The following MIPOL1 variants were observed in gnomAD, a reference collection of about 807,000 sequenced individuals.
The protein encoded by MIPOL1 is mirror-image polydactyly 1, also known as mirror-image polydactyly gene 1 protein.
In MIPOL1, 57 loss-of-function variants were observed where a neutral mutation model predicts 60.9. The ratio of observed to expected loss-of-function variants is 0.94; its 90% CI spans 0.76 to 1.17. The LOEUF is 1.17. Ranked by LOEUF, MIPOL1 falls within the 50% of genes most tolerant of loss-of-function variation. The pLI is 0.00. For synonymous variants in MIPOL1, 179 were observed against 168.8 expected, an observed-to-expected ratio of 1.06 and a Z score of -0.47; for missense variants, 551 against 511.6, an observed-to-expected ratio of 1.08 and a Z score of -0.74.
chr14:37,284,411 T>C (rs2084377155), intron 6 of MIPOL1, among the ~76,000 whole-genome samples: 1 of 152,152 alleles, frequency 6.6e-6, no homozygotes, highest in Non-Finnish European at 1.5e-5. Context: ...TGGTACAATC[T>C]TTGTTCATTG....
chr14:37,398,072 G>A (rs1342099887), intron 10 of MIPOL1, among the ~76,000 whole-genome samples: 11 of 152,002 alleles, frequency 7.2e-5, no homozygotes, highest in Non-Finnish European at 1.2e-4. Context: ...GCCTTTGGCC[G>A]CCCTCTCGTT....
intron 1 of MIPOL1, among the ~76,000 whole-genome samples, chr14:37,209,698 T>A (rs1966629774): frequency 6.6e-6 from 1 of 151,932 alleles, no homozygotes; most frequent in Non-Finnish European, 1.5e-5. Context: ...TATATACACA[T>A]GGTTTTCGTT....
intron 9 of MIPOL1, among the ~76,000 whole-genome samples, chr14:37,314,636 A>G (rs1381379648): frequency 1.3e-5 from 2 of 152,160 alleles, no homozygotes; most frequent in African/African-American, 4.8e-5. Context: ...AGCAATATTG[A>G]TAACTATGTC....
chr14:37,293,143 TTTTC>T (rs2085262828), intron 7 of MIPOL1, among the ~76,000 whole-genome samples: 1 of 86,942 alleles, frequency 1.2e-5, no homozygotes, highest in Non-Finnish European at 2.7e-5. Flanking sequence ...CATGAAAAGT[TTTTC>T]TTACTTTTCT....
chr14:37,521,893 A>AAAAAAT (rs371492296), intron 12 of MIPOL1, among the ~76,000 whole-genome samples: 7 of 123,568 alleles, frequency 5.7e-5, no homozygotes, highest in African/African-American at 2.1e-4. Flanking sequence ...AAGAAAAAAA[A>AAAAAAT]ATATATATAT....
intron 9 of MIPOL1, among the ~76,000 whole-genome samples, chr14:37,314,819 G>A (rs2087704756): frequency 6.6e-6 from 1 of 152,064 alleles, no homozygotes; most frequent in Non-Finnish European, 1.5e-5. Flanking sequence ...TATTATGTTT[G>A]TGGAATTATT....
Position 37,267,249 on chromosome 14 carries a change from A to C in MIPOL1, c.251+80A>C, listed in dbSNP as rs529552960. 144 of 1,049,596 alleles carry C rather than the reference A, an allele frequency of 1.4e-4. 1 individual carries two copies. The South Asian group carries it at 1.8e-3, about 13-fold the overall frequency. The allele number at this position is 1,049,596 out of a possible 1,614,324, so 65.0% of individuals were successfully genotyped here. A position where few individuals can be genotyped will look rare whatever the true frequency, so the allele number is the denominator to read the frequency against. ...ATGCCTGTAATCTCAGCACTTTGGG[A>C]GGACGAGGTGGGTGGATCACTTGAG... On this transcript the variant is annotated intron_variant, in intron 4 of 12. Coordinates refer to ENST00000684589, the MANE Select transcript of MIPOL1 (RefSeq NM_001388067.1).
At chr14:37,348,247 C>A (rs2091086223) in intron 9 of MIPOL1, among the ~76,000 whole-genome samples, 1 of 152,062 alleles carries the variant, frequency 6.6e-6, no homozygotes, top group African/African-American at 2.4e-5. Context: ...GACATGATTT[C>A]CTCTAAATTA....
intron 12 of MIPOL1, among the ~76,000 whole-genome samples, chr14:37,531,991 G>A (rs1844920788): frequency 6.6e-6 from 1 of 152,086 alleles, no homozygotes; most frequent in South Asian, 2.1e-4. Context: ...GAGAGGAAGA[G>A]GCATTAAGGG....
intron 1 of MIPOL1, among the ~76,000 whole-genome samples, chr14:37,239,804 G>A (rs1972067332): frequency 6.6e-6 from 1 of 152,122 alleles, no homozygotes; most frequent in Non-Finnish European, 1.5e-5. Context: ...AATGGAGGAG[G>A]CTGTGACATT....
At chr14:37,463,874 T>G (rs542615405) in intron 11 of MIPOL1, among the ~76,000 whole-genome samples, 1 of 151,968 alleles carries the variant, frequency 6.6e-6, no homozygotes, top group Non-Finnish European at 1.5e-5. Context: ...AACAAAGGAC[T>G]AACACCAAGA....
chr14:37,266,324 C>T (rs759481410), intron 3 of MIPOL1, among the ~76,000 whole-genome samples: 2 of 152,160 alleles, frequency 1.3e-5, no homozygotes, highest in Non-Finnish European at 2.9e-5. Flanking sequence ...CTTGTTCATT[C>T]TTGACAGCTC....
At chr14:37,285,588 T>C (rs1406316479) in intron 7 of MIPOL1, 141 bp downstream of exon 7, 2 of 872,254 alleles carry the variant, frequency 2.3e-6, no homozygotes, top group Non-Finnish European at 3.3e-6. Context: ...TTTTTCTTTT[T>C]TTCTTTTCTT....
rs368304881 is a variant in MIPOL1, at chr14:37,515,292, GAA to G, written c.1262+15166_1262+15167del. 7.0e-5 allele frequency among the ~76,000 whole-genome samples: 9 copies of G among 127,668 alleles called. 1 individual carries two copies. Among genetic ancestry groups the G allele is most frequent in the East Asian group, 4.5e-4 (2 of 4,438 alleles). 83.8% of individuals were successfully genotyped at this position (127,668 alleles called of 152,430 possible). Reference sequence around the variant, plus strand: ...TTTCACTTCTTAACCTAAATATAATGAAAAAAAAAAAAAGCTATACTATTGTA... The same window carrying G: ...TTTCACTTCTTAACCTAAATATAATGAAAAAAAAAAAGCTATACTATTGTA... On this transcript the variant is annotated intron_variant, in intron 12 of 12. Coordinates refer to ENST00000684589, the MANE Select transcript of MIPOL1 (RefSeq NM_001388067.1).
At chr14:37,242,804 A>T (rs1466138271) in intron 1 of MIPOL1, among the ~76,000 whole-genome samples, 1 of 152,232 alleles carries the variant, frequency 6.6e-6, no homozygotes, top group African/African-American at 2.4e-5. Context: ...ATCTAAACAG[A>T]TCAGTTTCAT....
chr14:37,454,931 A>AT (rs1452937533), intron 11 of MIPOL1, among the ~76,000 whole-genome samples: 17 of 152,144 alleles, frequency 1.1e-4, no homozygotes, highest in African/African-American at 4.1e-4. Flanking sequence ...TCTTATAGGA[A>AT]TTTTTTTCAC....
intron 7 of MIPOL1, among the ~76,000 whole-genome samples, chr14:37,307,605 T>G (rs1377755643): frequency 2.6e-5 from 4 of 152,014 alleles, no homozygotes; most frequent in Non-Finnish European, 2.9e-5. Flanking sequence ...TCAAATTTAG[T>G]GTAATTATTT....
intron 1 of MIPOL1, among the ~76,000 whole-genome samples, chr14:37,237,154 C>T (rs915712507): frequency 2.0e-5 from 3 of 152,126 alleles, no homozygotes; most frequent in African/African-American, 7.2e-5. Context: ...TGTCACTTTG[C>T]AGCCTGTACA....
intron 9 of MIPOL1, among the ~76,000 whole-genome samples, chr14:37,356,071 A>G (rs1461852103): frequency 8.1e-5 from 12 of 147,646 alleles, no homozygotes; most frequent in Admixed American, 6.1e-4. Context: ...ATGGTGATGT[A>G]CAGATGGGTT....
Sources: gnomAD v4.1 joint callset for allele counts (sites outside exome capture counted in the v4.1 genomes callset) on GRCh38, gnomAD v4.1.1 for gene constraint, MANE v1.5 for transcripts, NCBI Gene and HGNC (gene_info 2026-07-23, HGNC 2026-07-21) for gene names.